NEK5: variants seen among roughly 807,000 people sequenced by gnomAD.
NEK5 encodes NIMA related kinase 5.
NEK5 carries 88 observed loss-of-function variants against 109.2 expected under a neutral mutation model. That is an observed-to-expected ratio of 0.81 (90% confidence interval 0.68 to 0.96). The LOEUF is 0.96. NEK5 is among the 40% of genes least tolerant of loss of function. The probability of loss-of-function intolerance (pLI) is 0.00; values close to 1 mark genes in which losing one functional copy is unlikely to be tolerated. For synonymous variants in NEK5, 283 were observed against 299.9 expected, an observed-to-expected ratio of 0.94 and a Z score of 0.58; for missense variants, 834 against 920.7, an observed-to-expected ratio of 0.91 and a Z score of 1.22.
Position 52,035,403 on chromosome 13 carries a change from G to A in NEK5, c.*1545C>T, listed in dbSNP as rs377559519. The A allele has an allele frequency of 7.2e-5, 11 of 152,040 alleles. No homozygotes were observed. The highest frequency in any genetic ancestry group is 1.7e-4 in the African/African-American group (7 of 41,404). 9.4% of individuals were successfully genotyped at this position (152,040 alleles called of 1,614,324 possible). ...TGTTTTCTCAGTTTAACAGTGTATC[G>A]GTGAGACATTTTACTTTTATTATAA... On this transcript the variant is annotated 3_prime_UTR_variant, in exon 24 of 24. Transcript: ENST00000684899.
chr13:52,102,304 A>G lies in NEK5; in HGVS notation c.610-12T>C. 1.2e-6 allele frequency: 2 copies of G among 1,602,610 alleles called. No individual in the cohort carries two copies. Among genetic ancestry groups the G allele is most frequent in the Non-Finnish European group, 1.7e-6 (2 of 1,169,632 alleles). On this transcript the variant is annotated splice_polypyrimidine_tract_variant and intron_variant, in intron 9 of 23. Coordinates refer to ENST00000684899, the MANE Select transcript of NEK5 (RefSeq NM_001365552.1). ...TTGTTACCCTCAAACTGAAAGGACAAGGAGAAATGACACTAAATCAGAGAA... is the reference window on the plus strand; with the variant it reads ...TTGTTACCCTCAAACTGAAAGGACAGGGAGAAATGACACTAAATCAGAGAA...
intron 21 of NEK5, among the ~76,000 whole-genome samples, chr13:52,062,973 A>G (rs1954625887): frequency 6.6e-6 from 1 of 152,122 alleles, no homozygotes; most frequent in South Asian, 2.1e-4. Flanking sequence ...TACCACTACT[A>G]TGGCTATTAC....
At chr13:52,095,357 T>G (rs1252660241) in intron 12 of NEK5, among the ~76,000 whole-genome samples, 1 of 152,218 alleles carries the variant, frequency 6.6e-6, no homozygotes, top group Non-Finnish European at 1.5e-5. Context: ...AGAAAAGTAT[T>G]GAAAGGCAAT....
intron 19 of NEK5, among the ~76,000 whole-genome samples, 168 bp downstream of exon 19, chr13:52,075,590 A>T (rs558297295): frequency 6.6e-6 from 1 of 152,274 alleles, no homozygotes; most frequent in East Asian, 1.9e-4. Flanking sequence ...AAACCTCAAC[A>T]TCACACAACA....
chr13:52,107,426 A>G (rs2138044013), intron 8 of NEK5, among the ~76,000 whole-genome samples: 1 of 152,220 alleles, frequency 6.6e-6, no homozygotes, highest in East Asian at 1.9e-4. Context: ...CTCCATCTCT[A>G]CTAAAAACAC....
chr13:52,054,604 G>C (rs1425610095), intron 22 of NEK5, among the ~76,000 whole-genome samples: 9 of 152,266 alleles, frequency 5.9e-5, no homozygotes, highest in Non-Finnish European at 1.3e-4. Flanking sequence ...GGAGATCTGA[G>C]AACAGGCAGA....
chr13:52,099,619 G>A (rs947537485), intron 12 of NEK5, 124 bp downstream of exon 12: 11 of 984,186 alleles, frequency 1.1e-5, no homozygotes, highest in African/African-American at 1.6e-5. Context: ...GCGGTGAGCC[G>A]AGATCGCGCC....
chr13:52,114,129 G>A (rs1955806141), intron 4 of NEK5, among the ~76,000 whole-genome samples: 1 of 152,132 alleles, frequency 6.6e-6, no homozygotes, highest in Non-Finnish European at 1.5e-5. Context: ...TAGAAAAGAA[G>A]GATTTCTACT....
chr13:52,037,695 G>A (rs932984764), intron 23 of NEK5, among the ~76,000 whole-genome samples: 4 of 152,066 alleles, frequency 2.6e-5, no homozygotes, highest in African/African-American at 9.7e-5. Flanking sequence ...AGGCCGAGGC[G>A]GGCGGATCAC....
intron 20 of NEK5, among the ~76,000 whole-genome samples, chr13:52,068,069 G>A (rs1014286557): frequency 3.9e-5 from 6 of 152,062 alleles, no homozygotes; most frequent in Admixed American, 1.3e-4. Flanking sequence ...AGAACAGGGT[G>A]GAGCTGCCAG....
rs759885717 is a variant in NEK5, at chr13:52,071,980, C to G, written c.1813G>C (p.Asp605His). The change falls in exon 20 of 24, where the codon GAC becomes CAC. Residue 605 changes from aspartate to histidine, a missense_variant. Around this residue, in one of 2 missense-constraint regions of NEK5, gnomAD observed 777 missense variants for 824.7 expected, o/e 0.94. Coordinates refer to ENST00000684899, the MANE Select transcript of NEK5 (RefSeq NM_001365552.1). ...CAGTGAAGTTTTTCAAATGCTTTGT[C>G]TGTATAATCTCCATGCTCCTTTACA... ...ECVKEHGDYT[D>H]KAFEKLHCPE... The G allele has an allele frequency of 1.9e-5, 31 of 1,612,350 alleles. No homozygotes were observed. Among genetic ancestry groups the G allele is most frequent in the Middle Eastern group, 1.7e-4 (1 of 6,056 alleles).
chr13:52,082,299 G>A lies in NEK5; in HGVS notation c.1572+961C>T, dbSNP rs1026090275. 26 of 889,330 alleles carry A rather than the reference G, an allele frequency of 2.9e-5. No individual in the cohort carries two copies. The African/African-American group carries it at 4.8e-4, about 16-fold the overall frequency. 55.1% of individuals were successfully genotyped at this position (889,330 alleles called of 1,614,324 possible). ...CATTGCACTCCAGCCTGGGCAACAA[G>A]AGCGAAATTCCATCTAAAAAAAAAA... On this transcript the variant is annotated intron_variant, in intron 17 of 23. Transcript: ENST00000684899.
chr13:52,051,621 A>T (rs1593918799), intron 22 of NEK5, among the ~76,000 whole-genome samples: 2 of 152,202 alleles, frequency 1.3e-5, no homozygotes, highest in Non-Finnish European at 2.9e-5. Context: ...CACTGATAAA[A>T]GCTGTAGTTT....
chr13:52,036,012 A>C lies in NEK5; in HGVS notation c.*936T>G, dbSNP rs1954358720. 1 of 152,150 alleles carries C rather than the reference A, an allele frequency of 6.6e-6. No individual in the cohort carries two copies. The highest frequency in any genetic ancestry group is 1.5e-5 in the Non-Finnish European group (1 of 68,028). 9.4% of individuals were successfully genotyped at this position (152,150 alleles called of 1,614,324 possible). A position where few individuals can be genotyped will look rare whatever the true frequency, so the allele number is the denominator to read the frequency against. On this transcript the variant is annotated 3_prime_UTR_variant, in exon 24 of 24. Transcript: ENST00000684899. ...TTAGTTAACACAAATTTATTATCTT[A>C]ACAGTTCTGCAAGTCAGAAGTATGA...
chr13:52,064,465 CG>C (rs1296909302), intron 21 of NEK5, among the ~76,000 whole-genome samples: 1 of 145,024 alleles, frequency 6.9e-6, no homozygotes, highest in East Asian at 2.1e-4. Context: ...GTCAGCCCCC[CG>C]CCCGGCCAGC....
At chr13:52,086,435 C>T (rs1251095325) in intron 15 of NEK5, 72 bp from the exon 16 acceptor site, 1 of 920,972 alleles carries the variant, frequency 1.1e-6, no homozygotes, top group Non-Finnish European at 1.8e-6. Flanking sequence ...TTTCTGCAGC[C>T]TACAATTTCA....
chr13:52,089,361 T>C (rs373216345), intron 13 of NEK5, 48 bp from the exon 14 acceptor site: 7 of 1,150,834 alleles, frequency 6.1e-6, no homozygotes, highest in Non-Finnish European at 9.1e-6. Flanking sequence ...GAACAAATCT[T>C]AGGCACCAAT....
At chr13:52,045,806 C>T (rs1330048765) in intron 23 of NEK5, among the ~76,000 whole-genome samples, 1 of 147,650 alleles carries the variant, frequency 6.8e-6, no homozygotes, top group Non-Finnish European at 1.5e-5. Context: ...TGCACGGTGG[C>T]TCACGCCTGT....
At chr13:52,080,484 A>C (rs1954982588) in intron 17 of NEK5, among the ~76,000 whole-genome samples, 1 of 152,186 alleles carries the variant, frequency 6.6e-6, no homozygotes, top group Non-Finnish European at 1.5e-5. Flanking sequence ...GAGAAATCGG[A>C]TGGTTGCCGT....
Sources: allele counts gnomAD v4.1 joint callset (sites outside exome capture counted in the v4.1 genomes callset), GRCh38; gene constraint gnomAD v4.1.1; regional missense constraint gnomAD v4.1.1; transcripts MANE v1.5; gene names NCBI Gene and HGNC (gene_info 2026-07-23, HGNC 2026-07-21).